The following DSCAML1 variants were observed in gnomAD, a reference collection of about 807,000 sequenced individuals.
The protein encoded by DSCAML1 is DS cell adhesion molecule like 1, also known as cell adhesion molecule DSCAML1.
DSCAML1 carries 38 observed loss-of-function variants against 200.5 expected under a neutral mutation model. The observed-to-expected ratio is 0.19, with a 90% confidence interval of 0.15 to 0.25. DSCAML1 has a LOEUF of 0.25. Among genes scored for constraint, DSCAML1 ranks in the 10% least tolerant of loss-of-function variants. DSCAML1 has a pLI of 1.00. For missense variants in DSCAML1, 2,223 were observed against 2,858.8 expected, an observed-to-expected ratio of 0.78 and a Z score of 5.07; for synonymous variants, 1,215 against 1,165.0, an observed-to-expected ratio of 1.04 and a Z score of -0.87.
chr11:117,497,861 C>T (rs1360963537), intron 11 of DSCAML1, among the ~76,000 whole-genome samples: 2 of 152,230 alleles, frequency 1.3e-5, no homozygotes, highest in African/African-American at 4.8e-5. Flanking sequence ...AGCACCCAGG[C>T]CTCAGCCCTT....
intron 8 of DSCAML1, among the ~76,000 whole-genome samples, chr11:117,514,756 A>AT (rs2049722694): frequency 6.6e-6 from 1 of 151,342 alleles, no homozygotes; most frequent in South Asian, 2.1e-4. Flanking sequence ...CTAATTTTGT[A>AT]TTTTTACTAG....
intron 3 of DSCAML1, among the ~76,000 whole-genome samples, chr11:117,764,272 C>T (rs2137899040): frequency 6.6e-6 from 1 of 152,278 alleles, no homozygotes; most frequent in Admixed American, 6.5e-5. Flanking sequence ...TTCCCCTTTC[C>T]AAGGGTAAAA....
chr11:117,773,402 A>C (rs1451100740), intron 3 of DSCAML1, among the ~76,000 whole-genome samples: 3 of 152,042 alleles, frequency 2.0e-5, no homozygotes, highest in African/African-American at 7.2e-5. Context: ...CTGGCTCCGG[A>C]AGCTGATCCT....
chr11:117,577,900 C>T (rs1019012321), intron 3 of DSCAML1, among the ~76,000 whole-genome samples: 2 of 151,790 alleles, frequency 1.3e-5, no homozygotes, highest in East Asian at 3.9e-4. Flanking sequence ...CCTGGTCCAC[C>T]AGAGGCATTC....
intron 3 of DSCAML1, among the ~76,000 whole-genome samples, chr11:117,647,005 T>C (rs1420492426): frequency 6.6e-6 from 1 of 152,210 alleles, no homozygotes; most frequent in Admixed American, 6.5e-5. Context: ...CATAGGTTCC[T>C]AGAAGGGATC....
intron 3 of DSCAML1, among the ~76,000 whole-genome samples, chr11:117,636,306 G>A (rs898851551): frequency 7.2e-5 from 11 of 151,984 alleles, no homozygotes; most frequent in Non-Finnish European, 1.0e-4. Context: ...AGAGTGGAGC[G>A]GCAAGTTTCA....
intron 1 of DSCAML1, among the ~76,000 whole-genome samples, chr11:117,811,153 T>C (rs544486888): frequency 9.3e-4 from 142 of 152,352 alleles, no homozygotes; most frequent in African/African-American, 3.1e-3. Flanking sequence ...TCAAGGTTAA[T>C]GCTCCTTTTT....
chr11:117,576,847 C>T (rs1474661131), intron 3 of DSCAML1, among the ~76,000 whole-genome samples: 1 of 152,184 alleles, frequency 6.6e-6, no homozygotes, highest in Non-Finnish European at 1.5e-5. Flanking sequence ...AATCCAAATG[C>T]AGATAATTGA....
At chr11:117,492,341 T>C (rs1466868599) in intron 11 of DSCAML1, among the ~76,000 whole-genome samples, 1 of 152,168 alleles carries the variant, frequency 6.6e-6, no homozygotes, top group African/African-American at 2.4e-5. Context: ...GGGACTCTCA[T>C]AGTGCTTTTC....
chr11:117,515,610 C>CTTTTTTTTTTTTTTTTTTTTTTTTT (rs56765238), intron 8 of DSCAML1, among the ~76,000 whole-genome samples: 2 of 65,144 alleles, frequency 3.1e-5, no homozygotes, highest in Admixed American at 1.9e-4. Context: ...AGGGACGAAG[C>CTTTTTTTTTTTTTTTTTTTTTTTTT]TTTTTTTTTT....
intron 15 of DSCAML1, among the ~76,000 whole-genome samples, chr11:117,470,304 G>T (rs114961367): frequency 6.6e-6 from 1 of 152,208 alleles, no homozygotes; most frequent in Admixed American, 6.5e-5. Flanking sequence ...GGCCGGGCGC[G>T]GTGGCTCACA....
chr11:117,449,036 A>G (rs1307341658), intron 20 of DSCAML1, among the ~76,000 whole-genome samples: 2 of 152,246 alleles, frequency 1.3e-5, no homozygotes, highest in African/African-American at 4.8e-5. Context: ...ATACAGAAGA[A>G]TGAATGAGCT....
Position 117,516,988 on chromosome 11 carries a change from G to A in DSCAML1, c.1511-249C>T, listed in dbSNP as rs1384220907. On this transcript the variant is annotated intron_variant, in intron 7 of 32. Transcript: ENST00000651296. The surrounding 1 kb of genome is among the most constrained non-coding windows in gnomAD (Gnocchi z 5.7). ...CTTCAAAGAGTTGCAAACGGACGCA[G>A]TATATACATGCCTTGGCCAAGAGCC... Among the ~76,000 whole-genome samples the A allele has an allele frequency of 6.6e-6, 1 of 152,226 alleles. No individual in the cohort carries two copies. Among genetic ancestry groups the A allele is most frequent in the Non-Finnish European group, 1.5e-5 (1 of 68,044 alleles).
At chr11:117,577,466 CT>C (rs1336235256) in intron 3 of DSCAML1, among the ~76,000 whole-genome samples, 2 of 28,674 alleles carry the variant, frequency 7.0e-5, no homozygotes, top group Non-Finnish European at 7.8e-5. Flanking sequence ...CCTTTCCTTC[CT>C]TCCTTCCTTC....
chr11:117,520,857 G>A (rs1328498778), intron 6 of DSCAML1, among the ~76,000 whole-genome samples: 2 of 152,200 alleles, frequency 1.3e-5, no homozygotes, highest in African/African-American at 4.8e-5. Flanking sequence ...TTGAGCCAGG[G>A]AGGTTGAGGC....
intron 3 of DSCAML1, among the ~76,000 whole-genome samples, chr11:117,710,274 T>G (rs757914259): frequency 2.6e-5 from 4 of 152,252 alleles, no homozygotes; most frequent in Non-Finnish European, 5.9e-5. Flanking sequence ...AGTTAGTGAC[T>G]GTAACTCATA....
At chr11:117,682,256 G>A (rs1427514294) in intron 3 of DSCAML1, among the ~76,000 whole-genome samples, 1 of 152,230 alleles carries the variant, frequency 6.6e-6, no homozygotes, top group Middle Eastern at 3.4e-3. Context: ...GAGGCCACCC[G>A]TCTGGCCTCC....
intron 21 of DSCAML1, among the ~76,000 whole-genome samples, chr11:117,442,777 A>C (rs947045568): frequency 6.6e-6 from 1 of 152,028 alleles, no homozygotes; most frequent in African/African-American, 2.4e-5. Flanking sequence ...GGTTGGTGGT[A>C]GGGGTTAGGG....
chr11:117,567,545 T>C (rs975872049), intron 3 of DSCAML1, among the ~76,000 whole-genome samples: 3 of 152,222 alleles, frequency 2.0e-5, no homozygotes, highest in Admixed American at 6.5e-5. Flanking sequence ...TTCACTCTGA[T>C]GGTAGTTTCT....
Sources: allele counts gnomAD v4.1 joint callset (sites outside exome capture counted in the v4.1 genomes callset), GRCh38; gene constraint gnomAD v4.1.1; non-coding constraint Gnocchi (gnomAD v3.1); transcripts MANE v1.5; gene names NCBI Gene and HGNC (gene_info 2026-07-23, HGNC 2026-07-21).